KLHL20: variants seen among roughly 807,000 people sequenced by gnomAD.
KLHL20 encodes kelch like family member 20, also known as kelch-like protein 20.
Under a neutral mutation model 69.5 loss-of-function variants are expected in KLHL20, and 29 were observed. The observed-to-expected ratio is 0.42, with a 90% CI of 0.31 to 0.57. The LOEUF is 0.57. Ranked by LOEUF, KLHL20 falls within the 20% of genes least tolerant of loss-of-function variation. The pLI, the probability that KLHL20 is intolerant of heterozygous loss-of-function variation, is 0.18. For synonymous variants in KLHL20, 253 were observed against 265.2 expected (o/e 0.95, Z 0.45); for missense variants, 419 against 776.0 (o/e 0.54, Z 5.47).
intron 3 of KLHL20, among the ~76,000 whole-genome samples, chr1:173,740,123 C>CTTT (rs377138582): frequency 1.6e-5 from 2 of 122,246 alleles, no homozygotes; most frequent in African/African-American, 3.0e-5. Flanking sequence ...TTTCTTTTTT[C>CTTT]TTTTTTTTTT....
intron 6 of KLHL20, 110 bp from the exon 7 acceptor site, chr1:173,756,866 C>T (rs1166660979): frequency 4.2e-6 from 4 of 945,440 alleles, no homozygotes; most frequent in Middle Eastern, 2.5e-4. Context: ...TGACCTACTA[C>T]TAGAGACATT....
chr1:173,727,923 A>T (rs181270317), intron 2 of KLHL20, among the ~76,000 whole-genome samples: 138 of 152,242 alleles, frequency 9.1e-4, no homozygotes, highest in African/African-American at 3.1e-3. Context: ...ATATAAATGG[A>T]CTACATGCTT....
At chr1:173,716,340 C>A (rs1347173698) in intron 2 of KLHL20, among the ~76,000 whole-genome samples, 3 of 151,996 alleles carry the variant, frequency 2.0e-5, no homozygotes, top group Non-Finnish European at 4.4e-5. Flanking sequence ...TCATTAAGTT[C>A]ATTATGATAC....
intron 10 of KLHL20, among the ~76,000 whole-genome samples, chr1:173,780,471 T>G (rs1177248337): frequency 6.6e-6 from 1 of 152,120 alleles, no homozygotes; most frequent in Admixed American, 6.5e-5. Context: ...TAAGCTTTTC[T>G]AAAAGACAGA....
chr1:173,724,817 C>A (rs779126434), intron 2 of KLHL20, among the ~76,000 whole-genome samples: 10 of 152,012 alleles, frequency 6.6e-5, no homozygotes, highest in Non-Finnish European at 1.5e-4. Context: ...AGAAAAGATA[C>A]AAATTTGTAT....
At chr1:173,749,922 T>C (rs577958537) in intron 3 of KLHL20, among the ~76,000 whole-genome samples, 19 of 152,298 alleles carry the variant, frequency 1.2e-4, no homozygotes, top group Admixed American at 1.2e-3. Flanking sequence ...GCCCCAAATT[T>C]AGCGCTGGAC....
intron 3 of KLHL20, among the ~76,000 whole-genome samples, chr1:173,736,787 G>T (rs1672558177): frequency 6.6e-6 from 1 of 151,970 alleles, no homozygotes; most frequent in African/African-American, 2.4e-5. Context: ...GTAGAGATGG[G>T]GTTTCACCAT....
At chr1:173,774,251 A>C in intron 8 of KLHL20, 54 bp from the exon 9 acceptor site, 1 of 1,607,962 alleles carries the variant, frequency 6.2e-7, no homozygotes, top group Non-Finnish European at 8.5e-7. Context: ...AGATCTTATG[A>C]AAAAGGCTTC....
intron 8 of KLHL20, among the ~76,000 whole-genome samples, chr1:173,772,292 A>G (rs1454401044): frequency 1.3e-5 from 2 of 152,230 alleles, no homozygotes; most frequent in Non-Finnish European, 2.9e-5. Context: ...CAAGCTGTCA[A>G]AGACCGCTAA....
At chr1:173,726,064 C>T (rs978886628) in intron 2 of KLHL20, among the ~76,000 whole-genome samples, 2 of 152,126 alleles carry the variant, frequency 1.3e-5, no homozygotes, top group Non-Finnish European at 2.9e-5. Flanking sequence ...TGCGCTTTTC[C>T]AACAGTCTTA....
intron 2 of KLHL20, among the ~76,000 whole-genome samples, chr1:173,721,090 C>T (rs1571846036): frequency 1.3e-5 from 2 of 152,072 alleles, no homozygotes; most frequent in African/African-American, 2.4e-5. Flanking sequence ...GGGGTGTTTA[C>T]GATGGGGCCT....
rs1169205908 is a variant in KLHL20, at chr1:173,756,023, G to A, written c.952G>A (p.Glu318Lys). The A allele has an allele frequency of 6.2e-7, 1 of 1,612,988 alleles. No homozygotes were observed. Among genetic ancestry groups the A allele is most frequent in the Admixed American group, 1.7e-5 (1 of 59,994 alleles). The change falls in exon 6 of 12, where the codon GAA becomes AAA. Residue 318 changes from glutamate to lysine, a missense_variant. This residue lies in a region of KLHL20 where 99 missense variants were observed against 240.7 expected (regional missense o/e 0.41). Coordinates refer to ENST00000209884, the MANE Select transcript of KLHL20 (RefSeq NM_014458.4). Reference protein sequence around the residue: ...TRPRKPIRCGEVLFAVGGWCS... With the variant: ...TRPRKPIRCGKVLFAVGGWCS... ...ACCACGGAAACCTATCCGATGTGGG[G>A]AAGTACTCTTTGCAGGTTTGGATCT...
chr1:173,719,465 G>T (rs182542445), intron 2 of KLHL20, among the ~76,000 whole-genome samples: 30 of 152,168 alleles, frequency 2.0e-4, no homozygotes, highest in Admixed American at 2.0e-4. Context: ...ACAAAAATTA[G>T]CTGGGCATGG....
chr1:173,765,875 C>G (rs534377969), intron 7 of KLHL20, among the ~76,000 whole-genome samples: 1 of 152,052 alleles, frequency 6.6e-6, no homozygotes, highest in African/African-American at 2.4e-5. Flanking sequence ...TATGCCAAAT[C>G]AAAATGGGAA....
chr1:173,775,344 G>C (rs902738068), intron 9 of KLHL20, among the ~76,000 whole-genome samples: 4 of 152,146 alleles, frequency 2.6e-5, no homozygotes, highest in African/African-American at 9.7e-5. Flanking sequence ...TTAACGATAA[G>C]GAGAGTGAGG....
chr1:173,761,486 C>T (rs1440847804), intron 7 of KLHL20, among the ~76,000 whole-genome samples: 3 of 152,116 alleles, frequency 2.0e-5, no homozygotes, highest in African/African-American at 7.2e-5. Flanking sequence ...TAAGATAGGT[C>T]ATAAAATGAG....
intron 3 of KLHL20, among the ~76,000 whole-genome samples, chr1:173,747,909 T>C (rs879851705): frequency 6.9e-6 from 1 of 144,704 alleles, no homozygotes; most frequent in Non-Finnish European, 1.5e-5. Context: ...AAAAAAATGA[T>C]GAAACTCCAT....
intron 2 of KLHL20, among the ~76,000 whole-genome samples, chr1:173,730,067 C>T (rs1463012866): frequency 6.6e-6 from 1 of 151,452 alleles, no homozygotes; most frequent in East Asian, 1.9e-4. Context: ...GATTCTTATA[C>T]ACCAATAACA....
At chr1:173,780,739 A>G (rs1057284548) in intron 10 of KLHL20, among the ~76,000 whole-genome samples, 5 of 151,668 alleles carry the variant, frequency 3.3e-5, no homozygotes, top group African/African-American at 1.2e-4. Context: ...TTTTTGTTTT[A>G]TTTTGTTTTG....
Sources: allele counts gnomAD v4.1 joint callset (sites outside exome capture counted in the v4.1 genomes callset), GRCh38; gene constraint gnomAD v4.1.1; regional missense constraint gnomAD v4.1.1; transcripts MANE v1.5; gene names NCBI Gene and HGNC (gene_info 2026-07-23, HGNC 2026-07-21).